UNC13A: variants seen among roughly 807,000 people sequenced by gnomAD.
The protein encoded by UNC13A is protein unc-13 homolog A.
A neutral mutation model predicts 219.7 loss-of-function variants in UNC13A; 61 were observed. The ratio of observed to expected loss-of-function variants is 0.28; its 90% CI spans 0.23 to 0.34. The LOEUF (loss-of-function observed/expected upper bound fraction) is 0.34, where lower values mean the gene tolerates loss of function less well. Among genes scored for constraint, UNC13A ranks in the 10% least tolerant of loss-of-function variants. The pLI, the probability that UNC13A is intolerant of heterozygous loss-of-function variation, is 1.00. For synonymous variants in UNC13A, 920 were observed against 884.6 expected, an observed-to-expected ratio of 1.04 and a Z score of -0.71; for missense variants, 1,476 against 2,270.3, an observed-to-expected ratio of 0.65 and a Z score of 7.11.
chr19:17,606,042 C>G lies in UNC13A; in HGVS notation c.*12G>C. Reference sequence around the variant, plus strand: ...CCGCGCAGGCGCAGTGCCGCTCGGCCGACCGCCCGCGCTAAGGCGCAGGCG... The same window carrying G: ...CCGCGCAGGCGCAGTGCCGCTCGGCGGACCGCCCGCGCTAAGGCGCAGGCG... On this transcript the variant is annotated 3_prime_UTR_variant, in exon 44 of 44. Coordinates refer to ENST00000519716, the MANE Select transcript of UNC13A (RefSeq NM_001080421.3). 6.7e-7 allele frequency: 1 copy of G among 1,498,074 alleles called. No homozygotes were observed. The highest frequency in any genetic ancestry group is 8.9e-7 in the Non-Finnish European group (1 of 1,129,726). The allele number at this position is 1,498,074 out of a possible 1,614,324, so 92.8% of individuals were successfully genotyped here.
chr19:17,638,229 C>T (rs1015196488), intron 25 of UNC13A, among the ~76,000 whole-genome samples: 6 of 152,116 alleles, frequency 3.9e-5, no homozygotes, highest in Admixed American at 1.3e-4. Flanking sequence ...AATCCCAGCA[C>T]TTTGGGAGGC....
chr19:17,650,381 G>C (rs1446076564), intron 12 of UNC13A, among the ~76,000 whole-genome samples: 4 of 151,936 alleles, frequency 2.6e-5, no homozygotes, highest in African/African-American at 9.7e-5. Flanking sequence ...AGGCATGGTA[G>C]TGCATGCCTG....
At chr19:17,688,137 G>A in intron 1 of UNC13A, 41 bp downstream of exon 1, 2 of 1,521,312 alleles carry the variant, frequency 1.3e-6, no homozygotes, top group Non-Finnish European at 1.8e-6. Context: ...ACCCCAGCCC[G>A]CGTCCACACG....
intron 7 of UNC13A, 45 bp downstream of exon 7, chr19:17,666,605 T>G: frequency 5.0e-6 from 7 of 1,400,550 alleles, no homozygotes; most frequent in Admixed American, 2.5e-5. Context: ...AGGGGAGGGA[T>G]GAGGATTTCA....
rs1374817464 is a variant in UNC13A, at chr19:17,641,565, A to G, written c.2473-9T>C. The G allele has an allele frequency of 1.2e-6, 2 of 1,613,512 alleles. No homozygotes were observed. The highest frequency in any genetic ancestry group is 1.7e-5 in the Admixed American group (1 of 59,968). ...ACGAAGTGGAACAGGTTCTGCCACCATGGGAGAGAAAGTGTCATGGAGAGT... is the reference window on the plus strand; with the variant it reads ...ACGAAGTGGAACAGGTTCTGCCACCGTGGGAGAGAAAGTGTCATGGAGAGT... On this transcript the variant is annotated splice_polypyrimidine_tract_variant and intron_variant, in intron 20 of 43. Coordinates refer to ENST00000519716, the MANE Select transcript of UNC13A (RefSeq NM_001080421.3).
chr19:17,655,442 T>G, intron 10 of UNC13A, 60 bp from the exon 11 acceptor site: 1 of 1,335,394 alleles, frequency 7.5e-7, no homozygotes, highest in East Asian at 2.5e-5. Context: ...GAACTTCCCT[T>G]GACCCTCCAG....
intron 26 of UNC13A, among the ~76,000 whole-genome samples, chr19:17,634,119 G>A (rs2076887379): frequency 6.6e-6 from 1 of 151,732 alleles, no homozygotes; most frequent in South Asian, 2.1e-4. Context: ...CCGTCTATCT[G>A]TTCATCCATC....
intron 6 of UNC13A, among the ~76,000 whole-genome samples, 175 bp from the exon 7 acceptor site, chr19:17,666,879 CACGAGAGAGAGAGA>C (rs1409245580): frequency 4.3e-5 from 5 of 116,288 alleles, no homozygotes; most frequent in Non-Finnish European, 5.6e-5. Flanking sequence ...CACACACACA[CACGAGAGAGAGAGA>C]GAGAGAGAGA....
At chr19:17,656,647 TTCAAGA>T in intron 9 of UNC13A, among the ~76,000 whole-genome samples, 1 of 150,698 alleles carries the variant, frequency 6.6e-6, no homozygotes, top group South Asian at 2.1e-4. Flanking sequence ...AGGTCAGGAG[TTCAAGA>T]CCAGCCTGGC....
Position 17,611,757 on chromosome 19 carries a change from A to G in UNC13A, c.4651+6T>C, listed in dbSNP as rs753360981. The G allele has an allele frequency of 5.0e-6, 8 of 1,613,584 alleles. No individual in the cohort carries two copies. In the East Asian group the frequency reaches 6.7e-5, roughly 13 times the overall value. Reference sequence around the variant, plus strand: ...TAGCAAGTCCCTCCCACCTCAGACCACTCACCTTTCACTGTGACCTTGTGT... The same window carrying G: ...TAGCAAGTCCCTCCCACCTCAGACCGCTCACCTTTCACTGTGACCTTGTGT... On this transcript the variant is annotated splice_donor_region_variant and intron_variant, in intron 42 of 43. Transcript: ENST00000519716.
intron 34 of UNC13A, 36 bp from the exon 35 acceptor site, chr19:17,624,988 C>G: frequency 6.3e-7 from 1 of 1,598,010 alleles, no homozygotes; most frequent in South Asian, 1.1e-5. Context: ...GAGGGCCCAG[C>G]TCGCCCCCAC....
Position 17,620,557 on chromosome 19 carries a change from A to G in UNC13A, c.4272+136T>C, listed in dbSNP as rs1036720873. On this transcript the variant is annotated intron_variant, in intron 38 of 43. Transcript: ENST00000519716. ...CCCCCCACGAGCAAGCCAGACAGAC[A>G]AAGGAAGAAGAGACCAACAGACAGG... 19 of 666,054 alleles carry G rather than the reference A, an allele frequency of 2.9e-5. No homozygotes were observed. In the African/African-American group the frequency reaches 3.5e-4, roughly 12 times the overall value. The allele number at this position is 666,054 out of a possible 1,614,324, so 41.3% of individuals were successfully genotyped here. A position where few individuals can be genotyped will look rare whatever the true frequency, so the allele number is the denominator to read the frequency against.
In UNC13A at chr19:17,605,163, A is replaced by C. The variant is rs1404748203; in HGVS notation, c.*891T>G. ...AGGCCGAGGGGGAATTAGCAGCAAT[A>C]GGGAGCTGTGTCAGGTCATCCCGAT... is the stretch of plus-strand genomic sequence containing the variant. On this transcript the variant is annotated 3_prime_UTR_variant, in exon 44 of 44. Coordinates refer to ENST00000519716, the MANE Select transcript of UNC13A (RefSeq NM_001080421.3). 1 of 152,720 alleles carries C rather than the reference A, an allele frequency of 6.5e-6. No individual in the cohort carries two copies. The highest frequency in any genetic ancestry group is 1.9e-4 in the East Asian group (1 of 5,188). The allele number at this position is 152,720 out of a possible 1,614,324, so 9.5% of individuals were successfully genotyped here.
At chr19:17,617,984 G>C in intron 40 of UNC13A, 135 bp from the exon 41 acceptor site, 1 of 1,231,774 alleles carries the variant, frequency 8.1e-7, no homozygotes, top group Non-Finnish European at 1.1e-6. Flanking sequence ...TTTGCCTAGT[G>C]AACTCCTATG....
chr19:17,639,276 T>G, intron 24 of UNC13A, 59 bp from the exon 25 acceptor site: 1 of 1,606,734 alleles, frequency 6.2e-7, no homozygotes, highest in Non-Finnish European at 8.5e-7. Context: ...CCCCAGGAAG[T>G]GACTGCGAGT....
intron 43 of UNC13A, among the ~76,000 whole-genome samples, chr19:17,608,674 C>T (rs1275524952): frequency 6.6e-6 from 1 of 151,222 alleles, no homozygotes; most frequent in Non-Finnish European, 1.5e-5. Context: ...CCCGCCACCA[C>T]GCCTGGCTAG....
At chr19:17,685,126 A>G (rs1052595842) in intron 1 of UNC13A, among the ~76,000 whole-genome samples, 2 of 152,064 alleles carry the variant, frequency 1.3e-5, no homozygotes, top group African/African-American at 4.8e-5. Flanking sequence ...ATGAATATAT[A>G]TGTGCTTCAT....
chr19:17,680,030 G>C (rs1056084173), intron 1 of UNC13A, among the ~76,000 whole-genome samples: 1 of 152,060 alleles, frequency 6.6e-6, no homozygotes, highest in African/African-American at 2.4e-5. Flanking sequence ...GGGGCTCCCA[G>C]TGGGAGAGGG....
rs1221582768 is a variant in UNC13A, at chr19:17,620,591, A to G, written c.4272+102T>C. On this transcript the variant is annotated intron_variant, in intron 38 of 43. Transcript: ENST00000519716. ...AGAGACCAACAGACAGGTTCACAGT[A>G]CGCCCTCGGACGGCACGAACCACAG... The G allele has an allele frequency of 2.0e-5, 21 of 1,033,634 alleles. No homozygotes were observed. In the East Asian group the frequency reaches 7.3e-4, roughly 36 times the overall value. The allele number at this position is 1,033,634 out of a possible 1,614,324, so 64.0% of individuals were successfully genotyped here. A position where few individuals can be genotyped will look rare whatever the true frequency, so the allele number is the denominator to read the frequency against.
Sources: allele counts gnomAD v4.1 joint callset (sites outside exome capture counted in the v4.1 genomes callset), GRCh38; gene constraint gnomAD v4.1.1; transcripts MANE v1.5; gene names NCBI Gene and HGNC (gene_info 2026-07-23, HGNC 2026-07-21).